ABCD3: variants seen among roughly 807,000 people sequenced by gnomAD.
ABCD3 encodes the protein ATP-binding cassette sub-family D member 3.
ABCD3 carries 41 observed loss-of-function variants against 105.5 expected under a neutral mutation model. That is an observed-to-expected ratio of 0.39 (90% CI 0.30 to 0.50). The LOEUF (loss-of-function observed/expected upper bound fraction) is 0.50, where lower values mean the gene tolerates loss of function less well. Among genes scored for constraint, ABCD3 ranks in the 20% least tolerant of loss-of-function variants. The pLI is 0.84. For missense variants in ABCD3, 622 were observed against 806.3 expected (o/e 0.77, Z 2.77); for synonymous variants, 258 against 269.0 (o/e 0.96, Z 0.40).
At chr1:94,430,591 A>G (rs532686198) in intron 1 of ABCD3, among the ~76,000 whole-genome samples, 1 of 152,228 alleles carries the variant, frequency 6.6e-6, no homozygotes, top group East Asian at 1.9e-4. Context: ...CCCTCCACGT[A>G]AGGTGTGACT....
At chr1:94,490,488 G>A (rs1323238608) in intron 15 of ABCD3, among the ~76,000 whole-genome samples, 1 of 151,882 alleles carries the variant, frequency 6.6e-6, no homozygotes, top group Non-Finnish European at 1.5e-5. Context: ...AGATCACATA[G>A]TGTTTCTCTT....
intron 2 of ABCD3, among the ~76,000 whole-genome samples, chr1:94,461,942 T>C (rs1647892439): frequency 6.6e-6 from 1 of 152,198 alleles, no homozygotes. Context: ...GGAATACTTA[T>C]ACTCTGTCAG....
upstream of ABCD3, chr1:94,418,339 C>T: frequency 1.7e-6 from 1 of 575,556 alleles, no homozygotes; most frequent in Non-Finnish European, 2.7e-6. Context: ...GGCGCGGCGG[C>T]GCGAGCCAGG....
chr1:94,451,458 A>G (rs779361223), intron 1 of ABCD3, among the ~76,000 whole-genome samples: 2 of 152,220 alleles, frequency 1.3e-5, no homozygotes, highest in African/African-American at 2.4e-5. Flanking sequence ...ACTTAAACCA[A>G]GTTCCTTGAG....
At chr1:94,478,758 A>T in intron 8 of ABCD3, 4 of 811,918 alleles carry the variant, frequency 4.9e-6, no homozygotes, top group Non-Finnish European at 6.8e-6. Context: ...GTAATGTCTA[A>T]AAAGAGATAT....
chr1:94,492,143 A>G (rs1401238887), intron 16 of ABCD3, among the ~76,000 whole-genome samples: 1 of 152,182 alleles, frequency 6.6e-6, no homozygotes, highest in Non-Finnish European at 1.5e-5. Flanking sequence ...TTAAATAGCC[A>G]CATGTGAGTA....
the ABCD3 span, among the ~76,000 whole-genome samples, chr1:94,391,894 G>T: frequency 6.6e-6 from 1 of 152,172 alleles, no homozygotes; most frequent in African/African-American, 2.4e-5. Context: ...CTCACAACCA[G>T]CCTGATTTGT....
chr1:94,478,597 T>A, intron 8 of ABCD3: 1 of 1,419,058 alleles, frequency 7.0e-7, no homozygotes, highest in East Asian at 2.3e-5. Context: ...ATGCCTGTAA[T>A]CCCAGCACTT....
At position 94,475,614 on chromosome 1, in the gene ABCD3, A is replaced by C. The variant is rs777199184; in HGVS notation, c.504A>C (p.Gln168His). The change falls in exon 7 of 23, where the codon CAA (glutamine) becomes CAC (histidine). Residue 168 changes from glutamine to histidine, a missense_variant and splice_region_variant. Gln to His is a conservative substitution (Grantham distance 24, BLOSUM62 0). Coordinates refer to ENST00000370214, the MANE Select transcript of ABCD3 (RefSeq NM_002858.4). The stretch of plus-strand genomic sequence containing the variant: ...ATCACTTTTCTTCTTGCTATTTTAG[A>C]GCTTTCACATATTATAAAATGGGGA... ...LTKYLYEEYL[Q>H]AFTYYKMGNL... The C allele has an allele frequency of 1.6e-5, 25 of 1,610,788 alleles. No homozygotes were observed. Among genetic ancestry groups the C allele is most frequent in the Non-Finnish European group, 2.1e-5 (25 of 1,177,594 alleles).
intron 1 of ABCD3, among the ~76,000 whole-genome samples, chr1:94,451,422 C>T (rs2100939911): frequency 6.6e-6 from 1 of 152,126 alleles, no homozygotes; most frequent in Admixed American, 6.5e-5. Flanking sequence ...GCTTCTTTAC[C>T]CAGGAGCATT....
In ABCD3 at chr1:94,475,492, T is replaced by C. The variant is rs1648694452; in HGVS notation, c.504-122T>C. On this transcript the variant is annotated intron_variant, in intron 6 of 22. Transcript: ENST00000370214. ...CAGTTAGGGCAATCAATAGGATCTC[T>C]TCTGGCTCCAAACTTTTTTGTTTCT... 4.7e-6 allele frequency: 5 copies of C among 1,061,178 alleles called. No individual in the cohort carries two copies. In the Admixed American group the frequency reaches 1.1e-4, roughly 24 times the overall value. The allele number at this position is 1,061,178 out of a possible 1,614,324, so 65.7% of individuals were successfully genotyped here. A position where few individuals can be genotyped will look rare whatever the true frequency, so the allele number is the denominator to read the frequency against.
chr1:94,506,480 G>T, intron 20 of ABCD3, 58 bp from the exon 21 acceptor site: 1 of 989,172 alleles, frequency 1.0e-6, no homozygotes, highest in South Asian at 1.3e-5. Context: ...AGTTTGTTTC[G>T]GCTTACTAAT....
At chr1:94,485,989 C>T (rs539349061) in intron 10 of ABCD3, among the ~76,000 whole-genome samples, 7 of 152,088 alleles carry the variant, frequency 4.6e-5, no homozygotes, top group African/African-American at 1.4e-4. Flanking sequence ...GTCAGGAGTT[C>T]GAGACCAGCC....
intron 7 of ABCD3, among the ~76,000 whole-genome samples, chr1:94,477,447 G>A (rs1450580336): frequency 6.6e-6 from 1 of 151,818 alleles, no homozygotes; most frequent in Non-Finnish European, 1.5e-5. Flanking sequence ...GGGCAACATG[G>A]TGAAACCCCA....
intron 6 of ABCD3, 67 bp from the exon 7 acceptor site, chr1:94,475,546 AT>A: frequency 1.3e-6 from 2 of 1,520,714 alleles, no homozygotes; most frequent in Non-Finnish European, 9.1e-7. Context: ...GTGTAATATG[AT>A]TTTTTTGTTG....
intron 20 of ABCD3, among the ~76,000 whole-genome samples, chr1:94,504,695 G>T (rs1426280153): frequency 6.6e-6 from 1 of 152,160 alleles, no homozygotes; most frequent in Non-Finnish European, 1.5e-5. Context: ...AAGTGAAATG[G>T]GAAGTTGTTG....
At chr1:94,417,908 C>T (rs760753204), upstream of ABCD3, among the ~76,000 whole-genome samples, 14 of 152,196 alleles carry the variant, frequency 9.2e-5, no homozygotes, top group Non-Finnish European at 2.9e-5. Flanking sequence ...CTCCCTACAC[C>T]TCTGCGGAGT....
At chr1:94,492,242 AT>A in intron 16 of ABCD3, among the ~76,000 whole-genome samples, 1 of 151,922 alleles carries the variant, frequency 6.6e-6, no homozygotes, top group East Asian at 1.9e-4. Context: ...TCATGTGGGG[AT>A]TTTTTTCCTA....
At chr1:94,389,632 C>T in the ABCD3 span, among the ~76,000 whole-genome samples, 3 of 151,948 alleles carry the variant, frequency 2.0e-5, no homozygotes, top group African/African-American at 7.3e-5. Context: ...ATCTCTGTTC[C>T]GGCCTCTCAG....
Sources: gnomAD v4.1 joint callset for allele counts (sites outside exome capture counted in the v4.1 genomes callset) on GRCh38, gnomAD v4.1.1 for gene constraint, MANE v1.5 for transcripts, NCBI Gene and HGNC (gene_info 2026-07-23, HGNC 2026-07-21) for gene names.